Variants in SLCO3A1 observed in about 807,000 individuals in gnomAD.
SLCO3A1 encodes the protein solute carrier organic anion transporter family member 3A1, also known as PGE1 transporter.
Under a neutral mutation model 63.1 loss-of-function variants are expected in SLCO3A1, and 27 were observed. The ratio of observed to expected loss-of-function variants is 0.43; its 90% CI spans 0.32 to 0.59. SLCO3A1 has a LOEUF of 0.59. SLCO3A1 is among the 20% of genes least tolerant of loss of function. SLCO3A1 has a pLI of 0.09. For missense variants in SLCO3A1, 773 were observed against 945.8 expected (o/e 0.82, Z 2.40); for synonymous variants, 473 against 409.9 (o/e 1.15, Z -1.86).
intron 2 of SLCO3A1, among the ~76,000 whole-genome samples, chr15:92,073,527 T>C (rs1419856761): frequency 6.6e-6 from 1 of 152,178 alleles, no homozygotes; most frequent in Non-Finnish European, 1.5e-5. Flanking sequence ...CAATTCTAAG[T>C]ACCAAATGAC....
rs1315311607 is a variant in SLCO3A1 at position 92,125,931 on chromosome 15, A to G, written c.1175-130A>G. On this transcript the variant is annotated intron_variant, in intron 5 of 9. Transcript: ENST00000318445. ...CCCTTCCTGAAGACTCCAGGGTCCC[A>G]TGGAGGCAGTGACACCACAGTGGGG... 1.4e-5 allele frequency: 10 copies of G among 724,648 alleles called. No homozygotes were observed. In the East Asian group the frequency reaches 2.7e-4, roughly 20 times the overall value. 44.9% of individuals were successfully genotyped at this position (724,648 alleles called of 1,614,324 possible).
chr15:92,136,324 G>T (rs1041178832), intron 7 of SLCO3A1, among the ~76,000 whole-genome samples: 2 of 152,158 alleles, frequency 1.3e-5, no homozygotes, highest in South Asian at 4.1e-4. Context: ...CGATCATCAG[G>T]ATTGGATGTG....
intron 1 of SLCO3A1, among the ~76,000 whole-genome samples, chr15:91,873,027 G>A (rs1191547384): frequency 2.0e-5 from 3 of 152,184 alleles, no homozygotes; most frequent in Admixed American, 6.5e-5. Context: ...AAACACATGG[G>A]CCATTATGTA....
chr15:91,922,902 T>A (rs1898896346), intron 2 of SLCO3A1, among the ~76,000 whole-genome samples: 2 of 152,244 alleles, frequency 1.3e-5, no homozygotes, highest in Admixed American at 1.3e-4. Context: ...AGCCTGTGGC[T>A]CTTACCTGGT....
intron 5 of SLCO3A1, among the ~76,000 whole-genome samples, chr15:92,122,698 A>G (rs755862508): frequency 1.3e-5 from 2 of 152,250 alleles, no homozygotes; most frequent in Non-Finnish European, 2.9e-5. Flanking sequence ...TTTACATAGC[A>G]TACGTAATAA....
intron 5 of SLCO3A1, among the ~76,000 whole-genome samples, chr15:92,121,000 G>C (rs73540477): frequency 6.6e-6 from 1 of 152,062 alleles, no homozygotes; most frequent in Non-Finnish European, 1.5e-5. Flanking sequence ...GGCAGCATGA[G>C]ACCCATAGTT....
At chr15:91,953,904 A>T (rs1257541656) in intron 2 of SLCO3A1, among the ~76,000 whole-genome samples, 1 of 152,046 alleles carries the variant, frequency 6.6e-6, no homozygotes, top group Non-Finnish European at 1.5e-5. Context: ...GGAGGATGGG[A>T]ATGGATTGAT....
In SLCO3A1 at chr15:92,044,744, G is replaced by C. The variant is rs186269294; in HGVS notation, c.647-50137G>C. 8.1e-4 allele frequency among the ~76,000 whole-genome samples: 123 copies of C among 152,280 alleles called. 2 individuals are homozygous for C. Among genetic ancestry groups the C allele is most frequent in the Middle Eastern group, 3.4e-3 (1 of 294 alleles). On this transcript the variant is annotated intron_variant, in intron 2 of 9. Coordinates refer to ENST00000318445, the MANE Select transcript of SLCO3A1 (RefSeq NM_013272.4). ...TCTGCCAACTGTTGCATCAAGTCCAGCCTGTCTGATGCTCCAGCTTCTACC... is the reference window on the plus strand; with the variant it reads ...TCTGCCAACTGTTGCATCAAGTCCACCCTGTCTGATGCTCCAGCTTCTACC...
At chr15:92,157,610 C>T (rs1416156108) in intron 9 of SLCO3A1, among the ~76,000 whole-genome samples, 1 of 151,974 alleles carries the variant, frequency 6.6e-6, no homozygotes, top group Non-Finnish European at 1.5e-5. Flanking sequence ...CCTGCCTCAG[C>T]CTCCCGGGTA....
At chr15:91,964,257 A>C (rs966408501) in intron 2 of SLCO3A1, among the ~76,000 whole-genome samples, 7 of 152,102 alleles carry the variant, frequency 4.6e-5, no homozygotes, top group African/African-American at 1.7e-4. Context: ...GTGATTGCTC[A>C]GAGCTCTAAA....
At chr15:92,026,314 G>A (rs2046573251) in intron 2 of SLCO3A1, among the ~76,000 whole-genome samples, 1 of 152,234 alleles carries the variant, frequency 6.6e-6, no homozygotes, top group South Asian at 2.1e-4. Context: ...GAGAAGGCAG[G>A]TGTGTGTTCC....
Position 91,883,614 on chromosome 15 carries a change from A to G in SLCO3A1, c.180+29526A>G, listed in dbSNP as rs1897651350. On this transcript the variant is annotated intron_variant, in intron 1 of 9. Transcript: ENST00000318445. This position sits in a 1 kb window ranked among gnomAD's most constrained non-coding sequence, Gnocchi z 4.8. ...AAAGTGGCTGTGGGTTATAAATTCCAAGTTGTGATTTATAAGCCTTAATAG... is the reference window on the plus strand; with the variant it reads ...AAAGTGGCTGTGGGTTATAAATTCCGAGTTGTGATTTATAAGCCTTAATAG... Among the ~76,000 whole-genome samples, 1 of 152,186 alleles carries G rather than the reference A, an allele frequency of 6.6e-6. No homozygotes were observed. Among genetic ancestry groups the G allele is most frequent in the African/African-American group, 2.4e-5 (1 of 41,432 alleles).
intron 2 of SLCO3A1, among the ~76,000 whole-genome samples, chr15:92,050,588 C>T (rs1024358720): frequency 6.6e-6 from 1 of 152,148 alleles, no homozygotes; most frequent in Admixed American, 6.5e-5. Flanking sequence ...CTCCAAATTA[C>T]ACCCCAACCC....
intron 2 of SLCO3A1, among the ~76,000 whole-genome samples, chr15:91,984,969 TCATACATAGAGAGAAGCA>T (rs2046033567): frequency 6.6e-6 from 1 of 152,142 alleles, no homozygotes; most frequent in Non-Finnish European, 1.5e-5. Context: ...CTTAAGTAGA[TCATACATAGAGAGAAGCA>T]CATAAGTGCT....
At chr15:91,999,435 A>G (rs2046227928) in intron 2 of SLCO3A1, among the ~76,000 whole-genome samples, 1 of 152,242 alleles carries the variant, frequency 6.6e-6, no homozygotes, top group African/African-American at 2.4e-5. Flanking sequence ...ATGGGTATAA[A>G]ATAGGAAGAG....
At chr15:92,057,967 T>C (rs2047041345) in intron 2 of SLCO3A1, among the ~76,000 whole-genome samples, 1 of 152,192 alleles carries the variant, frequency 6.6e-6, no homozygotes. Context: ...CTCCTTTTTA[T>C]TGTAAGTATG....
rs1039964856 is a variant in SLCO3A1, at chr15:92,016,204, TATAGATAG to T, written c.647-78634_647-78627del. Among the ~76,000 whole-genome samples, 505 of 120,198 alleles carry T rather than the reference TATAGATAG, an allele frequency of 4.2e-3. 1 individual carries two copies. The highest frequency in any genetic ancestry group is 6.3e-3 in the South Asian group (22 of 3,490). The allele number at this position is 120,198 out of a possible 152,430, so 78.9% of individuals were successfully genotyped here. ...TGCAGATTTGTTGTATATATATTTA[TATAGATAG>T]ATAGATAGATAGATAGATAGATAGA... On this transcript the variant is annotated intron_variant, in intron 2 of 9. Coordinates refer to ENST00000318445, the MANE Select transcript of SLCO3A1 (RefSeq NM_013272.4).
At chr15:92,068,363 T>C (rs1030979448) in intron 2 of SLCO3A1, among the ~76,000 whole-genome samples, 2 of 150,750 alleles carry the variant, frequency 1.3e-5, no homozygotes, top group Non-Finnish European at 3.0e-5. Flanking sequence ...ATCAGATGGT[T>C]TACTCTGTTC....
At chr15:92,010,749 G>A (rs1390727585) in intron 2 of SLCO3A1, among the ~76,000 whole-genome samples, 1 of 152,168 alleles carries the variant, frequency 6.6e-6, no homozygotes, top group Non-Finnish European at 1.5e-5. Flanking sequence ...TCTGCCGCAT[G>A]AAGCCCCAAG....
Sources: allele counts gnomAD v4.1 joint callset (sites outside exome capture counted in the v4.1 genomes callset), GRCh38; gene constraint gnomAD v4.1.1; non-coding constraint Gnocchi (gnomAD v3.1); transcripts MANE v1.5; gene names NCBI Gene and HGNC (gene_info 2026-07-23, HGNC 2026-07-21).